GLB1: variants seen among roughly 807,000 people sequenced by gnomAD.
The protein encoded by GLB1 is beta-galactosidase.
A neutral mutation model predicts 74.0 loss-of-function variants in GLB1; 56 were observed. That is an observed-to-expected ratio of 0.76 (90% CI 0.61 to 0.94). The LOEUF (loss-of-function observed/expected upper bound fraction) is 0.94, where lower values mean the gene tolerates loss of function less well. GLB1 is among the 40% of genes least tolerant of loss of function. The pLI, the probability that GLB1 is intolerant of heterozygous loss-of-function variation, is 0.00. For synonymous variants in GLB1, 323 were observed against 323.6 expected (o/e 1.00, Z 0.02); for missense variants, 787 against 845.5 (o/e 0.93, Z 0.86).
At chr3:33,024,151 A>T in intron 11 of GLB1, 100 bp downstream of exon 11, 1 of 1,353,790 alleles carries the variant, frequency 7.4e-7, no homozygotes, top group Non-Finnish European at 1.0e-6. Context: ...AAAATAACGA[A>T]CCAATTCCTC....
the GLB1 span, among the ~76,000 whole-genome samples, chr3:32,982,073 G>A: frequency 3.9e-5 from 6 of 152,118 alleles, no homozygotes; most frequent in Admixed American, 2.0e-4. Flanking sequence ...CAGCACTTTG[G>A]GAGGCTGAGG....
chr3:32,967,094 T>C, the GLB1 span, among the ~76,000 whole-genome samples: 1 of 152,198 alleles, frequency 6.6e-6, no homozygotes, highest in Non-Finnish European at 1.5e-5. Flanking sequence ...TGCTCTTCCA[T>C]TTGTATTCAT....
At chr3:32,978,174 T>C in the GLB1 span, among the ~76,000 whole-genome samples, 1 of 152,076 alleles carries the variant, frequency 6.6e-6, no homozygotes, top group Non-Finnish European at 1.5e-5. Context: ...TCAAAAACGT[T>C]TGGGTGAGAG....
chr3:33,067,862 T>G (rs981341240), intron 4 of GLB1, among the ~76,000 whole-genome samples: 1 of 152,130 alleles, frequency 6.6e-6, no homozygotes, highest in African/African-American at 2.4e-5. Flanking sequence ...CTCCCCCTTT[T>G]GATATAAATT....
At chr3:32,997,803 C>A (rs145831386) in intron 15 of GLB1, among the ~76,000 whole-genome samples, 1 of 152,324 alleles carries the variant, frequency 6.6e-6, no homozygotes, top group East Asian at 1.9e-4. Flanking sequence ...CTTCTTTGTT[C>A]TCCTTTCCCA....
At chr3:33,027,301 G>A (rs6776437) in intron 10 of GLB1, among the ~76,000 whole-genome samples, 3,371 of 152,382 alleles carry the variant, frequency 0.022, 127 homozygotes, top group African/African-American at 0.075. Context: ...CAGCGTGTCT[G>A]ACCGTGCACA....
At chr3:33,057,699 G>A (rs1699274483) in intron 6 of GLB1, among the ~76,000 whole-genome samples, 1 of 152,198 alleles carries the variant, frequency 6.6e-6, no homozygotes, top group Non-Finnish European at 1.5e-5. Context: ...TCCTGCCAAG[G>A]TGGGAGGACA....
chr3:33,068,975 C>T lies in GLB1; in HGVS notation c.246-5G>A, dbSNP rs1699795858. ...TGAAAGTTCCAGGGCACATACCTGC[C>T]AAGACACACACAGCCCCTTCCTGGA... is the stretch of plus-strand genomic sequence containing the variant. On this transcript the variant is annotated splice_region_variant and splice_polypyrimidine_tract_variant and intron_variant, in intron 2 of 15. Coordinates refer to ENST00000307363, the MANE Select transcript of GLB1 (RefSeq NM_000404.4). 3 of 1,614,164 alleles carry T rather than the reference C, an allele frequency of 1.9e-6. No individual in the cohort carries two copies. Among genetic ancestry groups the T allele is most frequent in the Non-Finnish European group, 2.5e-6 (3 of 1,180,024 alleles).
chr3:33,040,543 T>A (rs953734477), intron 10 of GLB1, among the ~76,000 whole-genome samples: 1 of 151,844 alleles, frequency 6.6e-6, no homozygotes, highest in Non-Finnish European at 1.5e-5. Flanking sequence ...GCCCGGGAGG[T>A]TGAGGCTGCA....
the GLB1 span, among the ~76,000 whole-genome samples, chr3:32,987,471 G>A: frequency 2.0e-3 from 311 of 152,154 alleles, 1 homozygote; most frequent in Middle Eastern, 0.014. Flanking sequence ...TGTAAACCAC[G>A]TGCACACAAA....
intron 15 of GLB1, among the ~76,000 whole-genome samples, chr3:33,004,907 G>A (rs1187214541): frequency 6.6e-6 from 1 of 152,160 alleles, no homozygotes; most frequent in East Asian, 1.9e-4. Context: ...AGCTGGAAAA[G>A]GAAATGTAAG....
chr3:33,048,647 T>G (rs553492756), intron 9 of GLB1, among the ~76,000 whole-genome samples: 8 of 152,266 alleles, frequency 5.3e-5, no homozygotes, highest in African/African-American at 1.9e-4. Context: ...AAGTACAGAC[T>G]GGCCTTCTCT....
At chr3:32,966,065 G>A in the GLB1 span, among the ~76,000 whole-genome samples, 1 of 152,176 alleles carries the variant, frequency 6.6e-6, no homozygotes, top group Admixed American at 6.5e-5. Context: ...AGGGAAGGTG[G>A]GGTTGGAGCC....
At chr3:33,050,942 A>G (rs894370526) in intron 9 of GLB1, among the ~76,000 whole-genome samples, 6 of 152,182 alleles carry the variant, frequency 3.9e-5, no homozygotes, top group Non-Finnish European at 8.8e-5. Context: ...CTTAAAAATT[A>G]TTTTGTCCAG....
In GLB1 at chr3:33,018,553, C is replaced by T; in HGVS notation, c.1242G>A (p.Gly414=). ...GAAGTGTTGTCCGGTACAGCACAAACCCATAATGCTGGTTAGAAAAGGATT... is the reference window on the plus strand; with the variant it reads ...GAAGTGTTGTCCGGTACAGCACAAATCCATAATGCTGGTTAGAAAAGGATT... The part of the protein sequence containing the change: ...LTFIQVKQHY[G]FVLYRTTLPQ... Residue 414 remains glycine (G), a synonymous_variant, in exon 13 of 16, where the codon GGG becomes GGA. Coordinates refer to ENST00000307363, the MANE Select transcript of GLB1 (RefSeq NM_000404.4). 6.2e-7 allele frequency: 1 copy of T among 1,614,018 alleles called. No homozygotes were observed. Among genetic ancestry groups the T allele is most frequent in the Non-Finnish European group, 8.5e-7 (1 of 1,180,000 alleles).
chr3:32,994,674 G>A (rs150183457), downstream of GLB1, among the ~76,000 whole-genome samples: 1,051 of 152,110 alleles, frequency 6.9e-3, 11 homozygotes, highest in African/African-American at 0.022. Flanking sequence ...TAATCCCGGC[G>A]ATTTGGGAGG....
At chr3:33,059,079 G>A (rs1005386229) in intron 5 of GLB1, among the ~76,000 whole-genome samples, 17 of 152,222 alleles carry the variant, frequency 1.1e-4, no homozygotes, top group African/African-American at 3.6e-4. Flanking sequence ...ACAGTGCACA[G>A]GGAAGCCCCA....
rs140255519 is a variant in GLB1 at position 33,049,306 on chromosome 3, TTTTAA to T, written c.955+2447_955+2451del. The stretch of plus-strand genomic sequence containing the variant: ...TGGCACACTATTATCTTTTCCTTTT[TTTTAA>T]TTTAATTTAAGTTCCGGGATATATG... On this transcript the variant is annotated intron_variant, in intron 9 of 15. Transcript: ENST00000307363. 6.6e-3 allele frequency among the ~76,000 whole-genome samples: 1,011 copies of T among 152,158 alleles called. 15 individuals are homozygous for T. Among genetic ancestry groups the T allele is most frequent in the African/African-American group, 0.023 (947 of 41,554 alleles).
chr3:32,969,560 A>G, the GLB1 span, among the ~76,000 whole-genome samples: 2 of 152,224 alleles, frequency 1.3e-5, no homozygotes, highest in Non-Finnish European at 2.9e-5. Context: ...CTTCTAAAGA[A>G]GAAGCCTTAG....
Sources: gnomAD v4.1 joint callset for allele counts (sites outside exome capture counted in the v4.1 genomes callset) on GRCh38, gnomAD v4.1.1 for gene constraint, MANE v1.5 for transcripts, NCBI Gene and HGNC (gene_info 2026-07-23, HGNC 2026-07-21) for gene names.